Variants in ERBB4 observed in about 807,000 individuals in gnomAD.
The protein encoded by ERBB4 is receptor tyrosine-protein kinase erbB-4.
Under a neutral mutation model 158.0 loss-of-function variants are expected in ERBB4, and 42 were observed. The ratio of observed to expected loss-of-function variants is 0.27; its 90% CI spans 0.21 to 0.34. The LOEUF (loss-of-function observed/expected upper bound fraction) is 0.34. Ranked by LOEUF, ERBB4 falls within the 10% of genes least tolerant of loss-of-function variation. The probability of loss-of-function intolerance (pLI) is 1.00; values close to 1 mark genes in which losing one functional copy is unlikely to be tolerated. For synonymous variants in ERBB4, 583 were observed against 558.7 expected (o/e 1.04, Z -0.61); for missense variants, 1,333 against 1,624.1 (o/e 0.82, Z 3.08).
intron 2 of ERBB4, among the ~76,000 whole-genome samples, chr2:212,085,386 C>T (rs2078572601): frequency 6.6e-6 from 1 of 151,778 alleles, no homozygotes; most frequent in South Asian, 2.1e-4. Flanking sequence ...ATTTATATAG[C>T]TCATTCTGTA....
At chr2:211,661,787 C>T (rs1348332402) in intron 15 of ERBB4, among the ~76,000 whole-genome samples, 1 of 151,592 alleles carries the variant, frequency 6.6e-6, no homozygotes, top group African/African-American at 2.4e-5. Context: ...CGCCTGTAAT[C>T]CCAGCACTTT....
intron 23 of ERBB4, among the ~76,000 whole-genome samples, chr2:211,423,337 CAA>C (rs2063551592): frequency 6.6e-6 from 1 of 151,874 alleles, no homozygotes; most frequent in Non-Finnish European, 1.5e-5. Flanking sequence ...GACCTGGGTC[CAA>C]AGTCTCTTAT....
At chr2:212,241,295 C>G (rs557719553) in intron 1 of ERBB4, among the ~76,000 whole-genome samples, 1 of 151,886 alleles carries the variant, frequency 6.6e-6, no homozygotes, top group African/African-American at 2.4e-5. Context: ...AATTTTAAAA[C>G]CATTCAAACA....
rs1330243560 is a variant in ERBB4 at position 212,320,327 on chromosome 2, T to TC, written c.83-195425_83-195424insG. 4.1e-5 allele frequency among the ~76,000 whole-genome samples: 6 copies of TC among 146,570 alleles called. 1 individual carries two copies. Among genetic ancestry groups the TC allele is most frequent in the South Asian group, 2.2e-4 (1 of 4,602 alleles). On this transcript the variant is annotated intron_variant, in intron 1 of 27. Coordinates refer to ENST00000342788, the MANE Select transcript of ERBB4 (RefSeq NM_005235.3). ...CAGTTTCAAGTACAGTCTTTTTTTT[T>TC]TACTTCTTCTTCTTCTTGGTAATAG...
intron 1 of ERBB4, among the ~76,000 whole-genome samples, chr2:212,172,857 G>A (rs796110127): frequency 5.3e-5 from 8 of 152,112 alleles, no homozygotes; most frequent in East Asian, 1.9e-4. Context: ...TGGGTGATGC[G>A]ATGATTTGTG....
intron 1 of ERBB4, among the ~76,000 whole-genome samples, chr2:212,245,833 T>C (rs141325295): frequency 2.6e-4 from 40 of 152,258 alleles, no homozygotes; most frequent in African/African-American, 7.7e-4. Context: ...GCTCTTTTTC[T>C]TGTGCTCTCT....
At chr2:211,589,255 C>T (rs2068388166) in intron 19 of ERBB4, among the ~76,000 whole-genome samples, 1 of 152,052 alleles carries the variant, frequency 6.6e-6, no homozygotes, top group Non-Finnish European at 1.5e-5. Flanking sequence ...CATTCCTATT[C>T]CCTCAAGTAA....
At chr2:211,950,005 C>T (rs1433394024) in intron 2 of ERBB4, among the ~76,000 whole-genome samples, 1 of 152,082 alleles carries the variant, frequency 6.6e-6, no homozygotes, top group Non-Finnish European at 1.5e-5. Flanking sequence ...AGGAGAGTGG[C>T]AGTAAGAAAC....
intron 1 of ERBB4, among the ~76,000 whole-genome samples, chr2:212,191,668 T>C (rs888371429): frequency 1.5e-5 from 2 of 136,484 alleles, no homozygotes; most frequent in African/African-American, 2.8e-5. Flanking sequence ...ATACATGTCA[T>C]ATATCGCGTG....
chr2:212,117,126 AC>A (rs1218004269), intron 2 of ERBB4, among the ~76,000 whole-genome samples: 2 of 152,216 alleles, frequency 1.3e-5, no homozygotes, highest in Non-Finnish European at 2.9e-5. Flanking sequence ...ATTCTATTTA[AC>A]CCAAAATGTC....
chr2:212,066,656 A>G (rs1185352294), intron 2 of ERBB4, among the ~76,000 whole-genome samples: 2 of 152,046 alleles, frequency 1.3e-5, no homozygotes, highest in Non-Finnish European at 2.9e-5. Flanking sequence ...AGAAATAACC[A>G]AATTTCCTTG....
At chr2:211,496,888 G>T (rs544421090) in intron 20 of ERBB4, among the ~76,000 whole-genome samples, 1 of 151,856 alleles carries the variant, frequency 6.6e-6, no homozygotes, top group Non-Finnish European at 1.5e-5. Flanking sequence ...ATGCCATTAC[G>T]GCCAGGCAAT....
At chr2:211,513,386 A>C (rs1212855647) in intron 20 of ERBB4, among the ~76,000 whole-genome samples, 6 of 148,404 alleles carry the variant, frequency 4.0e-5, no homozygotes, top group African/African-American at 1.2e-4. Flanking sequence ...ACAAAAAAAA[A>C]ACACTGATCC....
intron 20 of ERBB4, among the ~76,000 whole-genome samples, chr2:211,475,296 G>C (rs1224043158): frequency 1.3e-5 from 2 of 151,966 alleles, no homozygotes; most frequent in East Asian, 3.9e-4. Flanking sequence ...ATTCAGTATT[G>C]TTATAAATTT....
chr2:212,513,537 G>A (rs112740840), intron 1 of ERBB4, among the ~76,000 whole-genome samples: 1 of 152,216 alleles, frequency 6.6e-6, no homozygotes, highest in African/African-American at 2.4e-5. Context: ...TCAAGGCCTG[G>A]CGTGGTGGCT....
chr2:212,129,903 T>C (rs2125582864), intron 1 of ERBB4, among the ~76,000 whole-genome samples: 1 of 152,226 alleles, frequency 6.6e-6, no homozygotes, highest in Non-Finnish European at 1.5e-5. Flanking sequence ...ATCCACAGTA[T>C]ATTCATCATA....
intron 1 of ERBB4, among the ~76,000 whole-genome samples, chr2:212,231,916 A>T (rs2083678375): frequency 6.6e-6 from 1 of 152,174 alleles, no homozygotes; most frequent in Non-Finnish European, 1.5e-5. Context: ...GTATGAGTGA[A>T]ATAATTTTCT....
intron 2 of ERBB4, among the ~76,000 whole-genome samples, chr2:212,024,126 T>C (rs1207704781): frequency 6.6e-6 from 1 of 151,896 alleles, no homozygotes; most frequent in African/African-American, 2.4e-5. Context: ...ATTTTAGGTG[T>C]GAGCTGACTT....
At chr2:211,759,432 A>G (rs1182102802) in intron 4 of ERBB4, among the ~76,000 whole-genome samples, 1 of 152,098 alleles carries the variant, frequency 6.6e-6, no homozygotes. Context: ...TCCTTACCAC[A>G]GTCTTCAAGG....
Sources: gnomAD v4.1 joint callset for allele counts (sites outside exome capture counted in the v4.1 genomes callset) on GRCh38, gnomAD v4.1.1 for gene constraint, MANE v1.5 for transcripts, NCBI Gene and HGNC (gene_info 2026-07-23, HGNC 2026-07-21) for gene names.